Variants in PAQR3 observed in about 807,000 individuals in gnomAD.
The protein encoded by PAQR3 is Raf kinase trapping to Golgi.
Under a neutral mutation model 41.7 loss-of-function variants are expected in PAQR3, and 39 were observed. The observed-to-expected ratio is 0.93, with a 90% CI of 0.72 to 1.22. PAQR3 has a LOEUF of 1.22. Ranked by LOEUF, PAQR3 falls within the 50% of genes most tolerant of loss-of-function variation. The pLI is 0.00. For missense variants in PAQR3, 366 were observed against 385.6 expected (o/e 0.95, Z 0.42); for synonymous variants, 140 against 140.6 (o/e 1.00, Z 0.03).
Position 78,935,137 on chromosome 4 carries a change from C to A in PAQR3, c.332G>T (p.Cys111Phe). Residue 111 changes from cysteine to phenylalanine, a missense_variant, in exon 2 of 6, where the codon TGT becomes TTT. Cys to Phe is a radical substitution (Grantham distance 205, BLOSUM62 -2). Transcript: ENST00000512733. ...ATGACTTACCTGGAAGCAGAAAAGA[C>A]AAATAGAACAAATTACAAAATCTTC... ...SREDFVICSI[C>F]LFCFQVCMLC... The A allele has an allele frequency of 1.2e-6, 2 of 1,612,586 alleles. No homozygotes were observed. Among genetic ancestry groups the A allele is most frequent in the Non-Finnish European group, 1.7e-6 (2 of 1,179,520 alleles).
chr4:78,907,757 G>T (rs1442488314), downstream of PAQR3, among the ~76,000 whole-genome samples: 11 of 152,150 alleles, frequency 7.2e-5, no homozygotes, highest in Non-Finnish European at 8.8e-5. Context: ...TGAGACCACA[G>T]AACTGTTTGT....
downstream of PAQR3, among the ~76,000 whole-genome samples, chr4:78,910,044 T>C (rs1734500299): frequency 6.6e-6 from 1 of 152,170 alleles, no homozygotes. Flanking sequence ...TTTGGTACAG[T>C]CTCCATTTAG....
intron 11 of PAQR3, among the ~76,000 whole-genome samples, chr4:78,899,859 A>G (rs948946337): frequency 2.1e-4 from 32 of 152,334 alleles, no homozygotes; most frequent in African/African-American, 7.7e-4. Context: ...GCAACAGATT[A>G]TTCTTTCCAA....
intron 11 of PAQR3, among the ~76,000 whole-genome samples, chr4:78,894,777 C>T (rs968722090): frequency 3.3e-5 from 5 of 152,188 alleles, no homozygotes; most frequent in African/African-American, 9.7e-5. Flanking sequence ...CAGCTTTCAG[C>T]GTGCTTTCCT....
intron 1 of PAQR3, among the ~76,000 whole-genome samples, chr4:78,936,426 G>A (rs13123305): frequency 0.83 from 126,761 of 152,122 alleles, 52,873 homozygotes; most frequent in East Asian, 0.9. Context: ...TTTCCTATTT[G>A]CTTTGCTTCT....
At position 78,920,686 on chromosome 4, in the gene PAQR3, A is replaced by C; in HGVS notation, c.794-5T>G. The C allele has an allele frequency of 1.3e-6, 2 of 1,596,288 alleles. No individual in the cohort carries two copies. Among genetic ancestry groups the C allele is most frequent in the South Asian group, 2.3e-5 (2 of 88,390 alleles). Reference sequence around the variant, plus strand: ...ATCCGAGGTAGTTTAGTTGTCCTGGAAAGAAGGTAGAAAGAAAATGATAAT... The same window carrying C: ...ATCCGAGGTAGTTTAGTTGTCCTGGCAAGAAGGTAGAAAGAAAATGATAAT... On this transcript the variant is annotated splice_polypyrimidine_tract_variant and splice_region_variant and intron_variant, in intron 5 of 5. Coordinates refer to ENST00000512733, the MANE Select transcript of PAQR3 (RefSeq NM_001040202.2).
intron 11 of PAQR3, among the ~76,000 whole-genome samples, chr4:78,889,162 A>G (rs1733279547): frequency 6.8e-6 from 1 of 146,088 alleles, no homozygotes; most frequent in African/African-American, 2.6e-5. Context: ...CGGAGTTTGC[A>G]GTGAGCCGAG....
downstream of PAQR3, among the ~76,000 whole-genome samples, chr4:78,908,675 A>C (rs559763877): frequency 6.6e-6 from 1 of 152,184 alleles, no homozygotes; most frequent in Non-Finnish European, 1.5e-5. Flanking sequence ...TGTCTCACAC[A>C]TATGTCAAGC....
At chr4:78,920,789 G>C in intron 5 of PAQR3, 108 bp from the exon 6 acceptor site, 1 of 1,217,658 alleles carries the variant, frequency 8.2e-7, no homozygotes, top group Non-Finnish European at 1.1e-6. Flanking sequence ...CATAGTCTCA[G>C]AGTGCCTAGA....
In PAQR3 at chr4:78,918,649, T is replaced by C. The variant is rs924362900; in HGVS notation, c.*1890A>G. 20 of 947,016 alleles carry C rather than the reference T, an allele frequency of 2.1e-5. No homozygotes were observed. Among genetic ancestry groups the C allele is most frequent in the African/African-American group, 1.8e-5 (1 of 56,264 alleles). The allele number at this position is 947,016 out of a possible 1,614,324, so 58.7% of individuals were successfully genotyped here. A position where few individuals can be genotyped will look rare whatever the true frequency, so the allele number is the denominator to read the frequency against. Reference sequence around the variant, plus strand: ...TCATGTTATTAATTCAAATGGCAAGTATGTATTCATATACTAATACAGGGA... The same window carrying C: ...TCATGTTATTAATTCAAATGGCAAGCATGTATTCATATACTAATACAGGGA... On this transcript the variant is annotated 3_prime_UTR_variant, in exon 6 of 6. Coordinates refer to ENST00000512733, the MANE Select transcript of PAQR3 (RefSeq NM_001040202.2).
chr4:78,926,771 G>A (rs1207582446), intron 3 of PAQR3, 53 bp from the exon 4 acceptor site: 2 of 1,538,080 alleles, frequency 1.3e-6, no homozygotes, highest in Non-Finnish European at 1.8e-6. Context: ...TAAAGGAACT[G>A]AAAAAGTAAT....
chr4:78,911,416 G>A, downstream of PAQR3: 1 of 1,614,010 alleles, frequency 6.2e-7, no homozygotes, highest in Non-Finnish European at 8.5e-7. Context: ...TTTTGGGCTT[G>A]TGCCCTTTGA....
intron 5 of PAQR3, among the ~76,000 whole-genome samples, chr4:78,922,600 C>G (rs1362588746): frequency 6.6e-6 from 1 of 151,926 alleles, no homozygotes; most frequent in African/African-American, 2.4e-5. Flanking sequence ...ACATATTTCA[C>G]TTATAAGACC....
At chr4:78,910,701 T>C, downstream of PAQR3, 1 of 1,612,398 alleles carries the variant, frequency 6.2e-7, no homozygotes, top group Non-Finnish European at 8.5e-7. Flanking sequence ...GTCCAGCATC[T>C]AAAGATCAGC....
rs1735525798 is a variant in PAQR3 at position 78,920,315 on chromosome 4, A to G, written c.*224T>C. On this transcript the variant is annotated 3_prime_UTR_variant, in exon 6 of 6. Transcript: ENST00000512733. The stretch of plus-strand genomic sequence containing the variant: ...CAGATGTTTCTTATGATTGCCAACT[A>G]ATTTTCACTTTCTGTACAAGCAGCA... 3 of 1,192,516 alleles carry G rather than the reference A, an allele frequency of 2.5e-6. No individual in the cohort carries two copies. In the South Asian group the frequency reaches 1.2e-4, roughly 46 times the overall value. The allele number at this position is 1,192,516 out of a possible 1,614,324, so 73.9% of individuals were successfully genotyped here. A position where few individuals can be genotyped will look rare whatever the true frequency, so the allele number is the denominator to read the frequency against.
chr4:78,923,018 G>A (rs1031270240), intron 5 of PAQR3: 1 of 455,608 alleles, frequency 2.2e-6, no homozygotes, highest in Admixed American at 2.4e-5. Flanking sequence ...CTATTGGCTT[G>A]TGTATCTTGG....
intron 4 of PAQR3, among the ~76,000 whole-genome samples, chr4:78,925,621 C>G (rs1393058421): frequency 6.6e-6 from 1 of 152,116 alleles, no homozygotes; most frequent in Admixed American, 6.6e-5. Context: ...TGTAGGCCCA[C>G]TAATGGTCCC....
intron 11 of PAQR3, chr4:78,888,168 T>G (rs1724026464): frequency 6.6e-6 from 1 of 152,206 alleles, no homozygotes; most frequent in Non-Finnish European, 1.5e-5. Context: ...ACAGGATAGT[T>G]TTTTCATTGC....
At chr4:78,934,277 ACTCT>A (rs1157928945) in intron 2 of PAQR3, among the ~76,000 whole-genome samples, 1 of 152,136 alleles carries the variant, frequency 6.6e-6, no homozygotes, top group Non-Finnish European at 1.5e-5. Flanking sequence ...TAAAATGATG[ACTCT>A]CTGAAATAAA....
Sources: allele counts gnomAD v4.1 joint callset (sites outside exome capture counted in the v4.1 genomes callset), GRCh38; gene constraint gnomAD v4.1.1; transcripts MANE v1.5; gene names NCBI Gene and HGNC (gene_info 2026-07-23, HGNC 2026-07-21).